PLBD1: variants seen among roughly 807,000 people sequenced by gnomAD.
The protein encoded by PLBD1 is phospholipase B domain containing 1, also known as lysosomal leucine aminopeptidase.
In PLBD1, 60 loss-of-function variants were observed where a neutral mutation model predicts 63.0. The ratio of observed to expected loss-of-function variants is 0.95; its 90% confidence interval spans 0.77 to 1.18. PLBD1 has a LOEUF of 1.18. PLBD1 is among the 50% of genes most tolerant of loss of function. The pLI is 0.00. For missense variants in PLBD1, 598 were observed against 677.9 expected (o/e 0.88, Z 1.31); for synonymous variants, 262 against 248.0 (o/e 1.06, Z -0.53).
At chr12:14,556,247 T>C (rs1342793569) in intron 1 of PLBD1, among the ~76,000 whole-genome samples, 2 of 152,222 alleles carry the variant, frequency 1.3e-5, no homozygotes, top group Non-Finnish European at 2.9e-5. Context: ...ACAATATGTC[T>C]GGGAGGGATC....
At chr12:14,566,342 A>G (rs558731525) in intron 1 of PLBD1, among the ~76,000 whole-genome samples, 29 of 152,308 alleles carry the variant, frequency 1.9e-4, no homozygotes, top group African/African-American at 6.3e-4. Flanking sequence ...CTCAAAAACG[A>G]AGGCTCTTGA....
At chr12:14,552,818 G>A (rs1010199944) in intron 2 of PLBD1, among the ~76,000 whole-genome samples, 4 of 152,204 alleles carry the variant, frequency 2.6e-5, no homozygotes, top group African/African-American at 7.2e-5. Context: ...ATTAAAGAGT[G>A]CCACACTTGG....
intron 6 of PLBD1, among the ~76,000 whole-genome samples, chr12:14,517,446 C>G (rs1945345459): frequency 6.6e-6 from 1 of 152,114 alleles, no homozygotes; most frequent in Admixed American, 6.5e-5. Flanking sequence ...CCACACCCAG[C>G]CGGCTCTTTC....
At chr12:14,561,278 C>T (rs530950010) in intron 1 of PLBD1, among the ~76,000 whole-genome samples, 75 of 152,040 alleles carry the variant, frequency 4.9e-4, no homozygotes, top group African/African-American at 1.6e-3. Context: ...CCCTTTCCTT[C>T]ATCCCGTTGA....
chr12:14,503,744 C>T lies in PLBD1; in HGVS notation c.*28G>A. 6.3e-7 allele frequency: 1 copy of T among 1,579,202 alleles called. No individual in the cohort carries two copies. The highest frequency in any genetic ancestry group is 1.7e-4 in the Middle Eastern group (1 of 5,908). ...AATAGTGCCTTTGGTATCTTATTTACAGTCTTCTAGTCCGTCATCTCCCTC... is the reference window on the plus strand; with the variant it reads ...AATAGTGCCTTTGGTATCTTATTTATAGTCTTCTAGTCCGTCATCTCCCTC... On this transcript the variant is annotated 3_prime_UTR_variant, in exon 11 of 11. Coordinates refer to ENST00000240617, the MANE Select transcript of PLBD1 (RefSeq NM_024829.6).
At chr12:14,521,597 C>T (rs998141359) in intron 6 of PLBD1, among the ~76,000 whole-genome samples, 1 of 152,158 alleles carries the variant, frequency 6.6e-6, no homozygotes, top group Non-Finnish European at 1.5e-5. Context: ...CCACCTGGAA[C>T]CACAGCCAAT....
intron 6 of PLBD1, among the ~76,000 whole-genome samples, chr12:14,516,933 G>C (rs1945341743): frequency 6.6e-6 from 1 of 152,072 alleles, no homozygotes; most frequent in Admixed American, 6.5e-5. Flanking sequence ...CAGCTACTTG[G>C]GAGGCTGAGA....
intron 1 of PLBD1, among the ~76,000 whole-genome samples, chr12:14,555,429 C>T (rs1004547100): frequency 2.6e-5 from 4 of 152,156 alleles, no homozygotes; most frequent in East Asian, 1.9e-4. Flanking sequence ...CCCAGCTACA[C>T]GGGAGGCTGA....
At chr12:14,533,729 C>T (rs1250149875) in intron 6 of PLBD1, among the ~76,000 whole-genome samples, 1 of 152,184 alleles carries the variant, frequency 6.6e-6, no homozygotes, top group Non-Finnish European at 1.5e-5. Flanking sequence ...AGAGAGGAGT[C>T]CCCAGTCCCC....
intron 6 of PLBD1, among the ~76,000 whole-genome samples, chr12:14,517,428 G>A (rs1945345344): frequency 1.3e-5 from 2 of 152,028 alleles, no homozygotes; most frequent in Admixed American, 1.3e-4. Context: ...GATTACAGGT[G>A]TGAGCCACCA....
At chr12:14,525,300 T>A (rs1324745977) in intron 6 of PLBD1, among the ~76,000 whole-genome samples, 4 of 151,436 alleles carry the variant, frequency 2.6e-5, no homozygotes, top group African/African-American at 9.7e-5. Flanking sequence ...AAACAAAAAA[T>A]AAAACAAAGA....
intron 2 of PLBD1, among the ~76,000 whole-genome samples, chr12:14,546,852 A>G (rs1199282204): frequency 6.6e-6 from 1 of 152,066 alleles, no homozygotes; most frequent in Non-Finnish European, 1.5e-5. Flanking sequence ...GGCCAGAATT[A>G]TTAAAATTTT....
chr12:14,503,698 T>G lies in PLBD1; in HGVS notation c.*74A>C. 4 of 1,370,976 alleles carry G rather than the reference T, an allele frequency of 2.9e-6. No homozygotes were observed. The South Asian group carries it at 5.3e-5, about 18-fold the overall frequency. 84.9% of individuals were successfully genotyped at this position (1,370,976 alleles called of 1,614,324 possible). A position where few individuals can be genotyped will look rare whatever the true frequency, so the allele number is the denominator to read the frequency against. On this transcript the variant is annotated 3_prime_UTR_variant, in exon 11 of 11. Transcript: ENST00000240617. ...ATTAATATATTTTATTGCATAATTCTGATGGGAAAAACATAGCTAAAATAG... is the reference window on the plus strand; with the variant it reads ...ATTAATATATTTTATTGCATAATTCGGATGGGAAAAACATAGCTAAAATAG...
At chr12:14,517,457 A>G (rs1249235058) in intron 6 of PLBD1, among the ~76,000 whole-genome samples, 1 of 152,028 alleles carries the variant, frequency 6.6e-6, no homozygotes, top group Non-Finnish European at 1.5e-5. Context: ...CGGCTCTTTC[A>G]GTTTTAGCCA....
chr12:14,536,865 GATCT>G (rs1210549804), intron 4 of PLBD1, among the ~76,000 whole-genome samples, 155 bp from the exon 5 acceptor site: 1 of 152,168 alleles, frequency 6.6e-6, no homozygotes, highest in African/African-American at 2.4e-5. Flanking sequence ...AACGCGGGTG[GATCT>G]CCCGAGGTGA....
rs186709842 is a variant in PLBD1 at position 14,531,735 on chromosome 12, G to A, written c.844+3924C>T. Among the ~76,000 whole-genome samples, 149 of 152,250 alleles carry A rather than the reference G, an allele frequency of 9.8e-4. 1 individual carries two copies. Among genetic ancestry groups the A allele is most frequent in the African/African-American group, 3.5e-3 (145 of 41,538 alleles). On this transcript the variant is annotated intron_variant, in intron 6 of 10. Coordinates refer to ENST00000240617, the MANE Select transcript of PLBD1 (RefSeq NM_024829.6). ...AACCTCTGCTTCCAGGGCTCAAGCTGTTCTTCAGCCTCAGCCTCCCAAATA... is the reference window on the plus strand; with the variant it reads ...AACCTCTGCTTCCAGGGCTCAAGCTATTCTTCAGCCTCAGCCTCCCAAATA...
chr12:14,540,131 T>TATAC (rs1405725053), intron 4 of PLBD1, among the ~76,000 whole-genome samples: 1 of 137,696 alleles, frequency 7.3e-6, no homozygotes, highest in African/African-American at 2.6e-5. Flanking sequence ...TATATATATA[T>TATAC]ACTGGCAAAA....
intron 2 of PLBD1, among the ~76,000 whole-genome samples, chr12:14,550,395 TTTTG>T (rs755476916): frequency 2.6e-4 from 39 of 152,236 alleles, no homozygotes; most frequent in African/African-American, 2.4e-4. Context: ...CAAGAAGTCT[TTTTG>T]TTTGTTTGTT....
intron 9 of PLBD1, 34 bp from the exon 10 acceptor site, chr12:14,506,302 T>C (rs775080311): frequency 5.0e-5 from 73 of 1,462,474 alleles, no homozygotes; most frequent in Non-Finnish European, 6.4e-5. Flanking sequence ...GAGTGATTAT[T>C]GGCTATTTGG....
Sources: allele counts gnomAD v4.1 joint callset (sites outside exome capture counted in the v4.1 genomes callset), GRCh38; gene constraint gnomAD v4.1.1; transcripts MANE v1.5; gene names NCBI Gene and HGNC (gene_info 2026-07-23, HGNC 2026-07-21).